The following RBM22 variants were observed in gnomAD, a reference collection of about 807,000 sequenced individuals.
RBM22 encodes RNA binding motif protein 22.
In RBM22, 1 loss-of-function variant was observed where a neutral mutation model predicts 50.1. The observed-to-expected ratio is 0.02, with a 90% CI of 0.01 to 0.09. The LOEUF is 0.09. Ranked by LOEUF, RBM22 falls within the 10% of genes least tolerant of loss-of-function variation. The pLI is 1.00. For synonymous variants in RBM22, 152 were observed against 179.0 expected (o/e 0.85, Z 1.20); for missense variants, 264 against 529.3 (o/e 0.50, Z 4.92).
chr5:150,699,033 T>C (rs774423468), intron 3 of RBM22, among the ~76,000 whole-genome samples: 13 of 152,124 alleles, frequency 8.5e-5, no homozygotes, highest in South Asian at 2.1e-4. Flanking sequence ...GCCCATCCAC[T>C]GACACCGTAA....
rs369745118 is a variant in RBM22, at chr5:150,692,968, G to A, written c.1059C>T (p.Pro353=). Residue 353 remains proline, a synonymous_variant, in exon 10 of 11, where the codon CCC becomes CCT. Coordinates refer to ENST00000199814, the MANE Select transcript of RBM22 (RefSeq NM_018047.3). ...TCACCACAGCTGGAGGACCACTTGG[G>A]GGCAAGTTGAAGTAGTTGGCAGAGG... The part of the protein sequence containing the change: ...EEASANYFNL[P]PSGPPAVVNI... 4.3e-5 allele frequency: 70 copies of A among 1,613,164 alleles called. No homozygotes were observed. The highest frequency in any genetic ancestry group is 5.3e-5 in the Non-Finnish European group (63 of 1,179,552).
At chr5:150,692,193 C>G (rs1276812015) in intron 10 of RBM22, among the ~76,000 whole-genome samples, 3 of 152,146 alleles carry the variant, frequency 2.0e-5, no homozygotes, top group Non-Finnish European at 4.4e-5. Context: ...AGAAAGAAAT[C>G]AGGCTGATGG....
chr5:150,697,442 T>C (rs552546436), intron 4 of RBM22, among the ~76,000 whole-genome samples: 1 of 152,206 alleles, frequency 6.6e-6, no homozygotes, highest in East Asian at 1.9e-4. Context: ...AAAAAAATTA[T>C]AAAAGAAAAT....
At chr5:150,699,333 C>T in intron 2 of RBM22, 62 bp from the exon 3 acceptor site, 1 of 1,509,066 alleles carries the variant, frequency 6.6e-7, no homozygotes, top group Non-Finnish European at 8.8e-7. Flanking sequence ...CAGATGTCTA[C>T]TCTTTCCTTA....
intron 7 of RBM22, 176 bp downstream of exon 7, chr5:150,695,330 T>C (rs75069976): frequency 0.066 from 40,371 of 614,734 alleles, 1,705 homozygotes; most frequent in East Asian, 0.14. Context: ...AAGCACATTA[T>C]TACTGTGGCA....
intron 1 of RBM22, 194 bp downstream of exon 1, chr5:150,700,738 G>A (rs917329454): frequency 7.2e-6 from 11 of 1,538,242 alleles, no homozygotes; most frequent in African/African-American, 1.4e-5. Context: ...TGCTGGTCCC[G>A]GGACCCTGGC....
At chr5:150,697,981 A>G (rs1759298813) in intron 4 of RBM22, among the ~76,000 whole-genome samples, 2 of 152,184 alleles carry the variant, frequency 1.3e-5, no homozygotes, top group Non-Finnish European at 2.9e-5. Flanking sequence ...ATAGTGACAC[A>G]CACACACACG....
At position 150,700,995 on chromosome 5, in the gene RBM22, G is replaced by C. The variant is rs199525167; in HGVS notation, c.-10C>G. The C allele has an allele frequency of 1.2e-6, 2 of 1,614,208 alleles. No individual in the cohort carries two copies. The highest frequency in any genetic ancestry group is 1.3e-5 in the African/African-American group (1 of 75,050). On this transcript the variant is annotated 5_prime_UTR_variant, in exon 1 of 11. Coordinates refer to ENST00000199814, the MANE Select transcript of RBM22 (RefSeq NM_018047.3). ...CCAGAGAGGTCGCCATCTTGAGAGC[G>C]TCCGGAGGTAGCTGTAGCTTCCGAA...
rs1759344795 is a variant in RBM22 at position 150,701,049 on chromosome 5, C to T, written c.-64G>A. ...GGAGAGAGGACCGCCACAATCCCGTCAAGCCCCGAGGCTAGCGCCGCGCCG... is the reference window on the plus strand; with the variant it reads ...GGAGAGAGGACCGCCACAATCCCGTTAAGCCCCGAGGCTAGCGCCGCGCCG... On this transcript the variant is annotated 5_prime_UTR_variant, in exon 1 of 11. Coordinates refer to ENST00000199814, the MANE Select transcript of RBM22 (RefSeq NM_018047.3). 2.5e-6 allele frequency: 4 copies of T among 1,607,746 alleles called. No homozygotes were observed. In the African/African-American group the frequency reaches 4.0e-5, roughly 16 times the overall value.
rs774980920 is a variant in RBM22 at position 150,695,710 on chromosome 5, T to C, written c.546-4A>G. The C allele has an allele frequency of 1.2e-5, 20 of 1,600,726 alleles. No homozygotes were observed. The South Asian group carries it at 2.0e-4, about 16-fold the overall frequency. Reference sequence around the variant, plus strand: ...TGGATCTGTAGGCTTCTCATGTCTATGATTCAAGAAAAAAACAAGGCATAA... The same window carrying C: ...TGGATCTGTAGGCTTCTCATGTCTACGATTCAAGAAAAAAACAAGGCATAA... On this transcript the variant is annotated splice_polypyrimidine_tract_variant and splice_region_variant and intron_variant, in intron 6 of 10. Transcript: ENST00000199814.
intron 1 of RBM22, 141 bp from the exon 2 acceptor site, chr5:150,700,638 G>A: frequency 6.5e-7 from 1 of 1,532,640 alleles, no homozygotes. Flanking sequence ...CGACCCGATC[G>A]CGGGAGGGGG....
rs201166044 is a variant in RBM22, at chr5:150,694,201, A to G, written c.786T>C (p.Thr262=). 1.9e-6 allele frequency: 3 copies of G among 1,614,162 alleles called. No homozygotes were observed. Among genetic ancestry groups the G allele is most frequent in the East Asian group, 2.2e-5 (1 of 44,880 alleles). The part of the protein sequence containing the change: ...FYQFGEIRTI[T]VVQRQQCAFI... Reference sequence around the variant, plus strand: ...AAGCACACTGCTGTCTCTGCACAACAGTGATCGTCCGGATCTCTCCGAACT... The same window carrying G: ...AAGCACACTGCTGTCTCTGCACAACGGTGATCGTCCGGATCTCTCCGAACT... Residue 262 remains threonine (T), a synonymous_variant, in exon 8 of 11, where the codon ACT becomes ACC. Coordinates refer to ENST00000199814, the MANE Select transcript of RBM22 (RefSeq NM_018047.3).
intron 4 of RBM22, 145 bp downstream of exon 4, chr5:150,698,354 T>C: frequency 3.6e-6 from 4 of 1,105,408 alleles, no homozygotes; most frequent in Non-Finnish European, 5.1e-6. Context: ...CTAATTATGG[T>C]TCTTTTCCTG....
In RBM22 at chr5:150,692,806, G is replaced by C. The variant is rs996306730; in HGVS notation, c.1132+89C>G. On this transcript the variant is annotated intron_variant, in intron 10 of 10. Coordinates refer to ENST00000199814, the MANE Select transcript of RBM22 (RefSeq NM_018047.3). ...AGACTTCTACAGAGCAAACTCACAG[G>C]ATTTGGATGTGTTGAACATGATGGT... is the stretch of plus-strand genomic sequence containing the variant. 3 of 1,364,374 alleles carry C rather than the reference G, an allele frequency of 2.2e-6. No homozygotes were observed. In the Admixed American group the frequency reaches 7.2e-5, roughly 33 times the overall value. 84.5% of individuals were successfully genotyped at this position (1,364,374 alleles called of 1,614,324 possible). A position where few individuals can be genotyped will look rare whatever the true frequency, so the allele number is the denominator to read the frequency against.
intron 8 of RBM22, 60 bp downstream of exon 8, chr5:150,694,016 A>G: frequency 1.3e-6 from 2 of 1,575,884 alleles, no homozygotes; most frequent in Non-Finnish European, 1.7e-6. Context: ...GTCTCCAGAA[A>G]ATGAAATAGT....
Position 150,695,552 on chromosome 5 carries a change from G to A in RBM22, c.700C>T (p.Leu234=), listed in dbSNP as rs758349183. Reference sequence around the variant, plus strand: ...GTATCACCTAGACCACCAACATATAGTGTGGTGATAGTTTTATCCTCTGGT... The same window carrying A: ...GTATCACCTAGACCACCAACATATAATGTGGTGATAGTTTTATCCTCTGGT... ...DPPEDKTITT[L]YVGGLGDTIT... Residue 234 remains leucine, a synonymous_variant, in exon 7 of 11, where the codon CTA becomes TTA. Coordinates refer to ENST00000199814, the MANE Select transcript of RBM22 (RefSeq NM_018047.3). The A allele has an allele frequency of 6.2e-7, 1 of 1,613,944 alleles. No individual in the cohort carries two copies. The highest frequency in any genetic ancestry group is 2.2e-5 in the East Asian group (1 of 44,868).
chr5:150,700,644 G>T (rs905673195), intron 1 of RBM22, 147 bp from the exon 2 acceptor site: 1 of 1,532,552 alleles, frequency 6.5e-7, no homozygotes, highest in South Asian at 1.2e-5. Context: ...GATCGCGGGA[G>T]GGGGCGCTGT....
chr5:150,695,233 T>TG, intron 7 of RBM22: 2 of 394,862 alleles, frequency 5.1e-6, no homozygotes, highest in South Asian at 6.2e-5. Flanking sequence ...CTCACTATGT[T>TG]GCTCAGGCTG....
chr5:150,695,291 C>A, intron 7 of RBM22: 1 of 543,828 alleles, frequency 1.8e-6, no homozygotes, highest in South Asian at 2.3e-5. Context: ...GTTGAGATTA[C>A]AGGCATGAGG....
Sources: gnomAD v4.1 joint callset for allele counts (sites outside exome capture counted in the v4.1 genomes callset) on GRCh38, gnomAD v4.1.1 for gene constraint, MANE v1.5 for transcripts, NCBI Gene and HGNC (gene_info 2026-07-23, HGNC 2026-07-21) for gene names.